The following PIWIL4 variants were observed in gnomAD, a reference collection of about 807,000 sequenced individuals.
The protein encoded by PIWIL4 is piwi-like protein 4.
PIWIL4 carries 50 observed loss-of-function variants against 100.9 expected under a neutral mutation model. The observed-to-expected ratio is 0.50, with a 90% confidence interval of 0.39 to 0.63. PIWIL4 has a LOEUF of 0.63. PIWIL4 is among the 20% of genes least tolerant of loss of function. PIWIL4 has a pLI of 0.00. For synonymous variants in PIWIL4, 342 were observed against 367.5 expected (o/e 0.93, Z 0.79); for missense variants, 887 against 1,043.3 (o/e 0.85, Z 2.06).
chr11:94,568,778 T>G lies in PIWIL4; in HGVS notation c.136T>G (p.Phe46Val), dbSNP rs1343736602. The G allele has an allele frequency of 6.2e-7, 1 of 1,609,610 alleles. No individual in the cohort carries two copies. The highest frequency in any genetic ancestry group is 1.1e-5 in the South Asian group (1 of 90,968). The stretch of plus-strand genomic sequence containing the variant: ...CAATGAAGCATCCTCTAGCAATGGC[T>G]TCTTGGGAACAAGCAGGATCTCAAC... ...SNNEASSSNG[F>V]LGTSRISTND... Residue 46 changes from phenylalanine (F) to valine (V), a missense_variant, in exon 2 of 20, where the codon TTC becomes GTC. Phe to Val is a conservative substitution (Grantham distance 50). Transcript: ENST00000299001.
Position 94,587,119 on chromosome 11 carries a change from T to C in PIWIL4, c.786T>C (p.Asp262=), listed in dbSNP as rs957357507. Residue 262 remains aspartate (D), a synonymous_variant, in exon 7 of 20, where the codon GAT becomes GAC. Coordinates refer to ENST00000299001, the MANE Select transcript of PIWIL4 (RefSeq NM_152431.3). The stretch of plus-strand genomic sequence containing the variant: ...AAAGGAAGCTCCTGTTTAGTGCTGA[T>C]GTGAGTTACAAAGTCCTCCGGAATG... ...YFERKLLFSA[D]VSYKVLRNET... The C allele has an allele frequency of 6.2e-7, 1 of 1,614,078 alleles. No homozygotes were observed.
At chr11:94,610,725 T>C (rs1948779937) in intron 15 of PIWIL4, among the ~76,000 whole-genome samples, 2 of 152,196 alleles carry the variant, frequency 1.3e-5, no homozygotes, top group Non-Finnish European at 2.9e-5. Flanking sequence ...CATCCCCGTA[T>C]CAGATATGTG....
chr11:94,613,505 T>A (rs76644264), intron 15 of PIWIL4, among the ~76,000 whole-genome samples: 1 of 152,298 alleles, frequency 6.6e-6, no homozygotes, highest in Non-Finnish European at 1.5e-5. Flanking sequence ...TCTTTCCAGA[T>A]TCAAGAACAT....
intron 19 of PIWIL4, among the ~76,000 whole-genome samples, chr11:94,620,356 C>A (rs1173278895): frequency 6.6e-6 from 1 of 152,162 alleles, no homozygotes; most frequent in Non-Finnish European, 1.5e-5. Flanking sequence ...ATAACAATAA[C>A]TATTATAATA....
chr11:94,583,362 T>C (rs1464022484), intron 4 of PIWIL4, 86 bp from the exon 5 acceptor site: 1 of 1,461,412 alleles, frequency 6.8e-7, no homozygotes, highest in African/African-American at 1.4e-5. Context: ...TGTTAATGCA[T>C]ATTACATTGT....
At chr11:94,573,418 T>C (rs1309062379) in intron 2 of PIWIL4, among the ~76,000 whole-genome samples, 2 of 152,226 alleles carry the variant, frequency 1.3e-5, no homozygotes, top group Non-Finnish European at 2.9e-5. Context: ...TGATATTGGC[T>C]GTGGGTTTGT....
intron 6 of PIWIL4, 94 bp from the exon 7 acceptor site, chr11:94,586,956 G>T: frequency 8.3e-7 from 1 of 1,203,124 alleles, no homozygotes; most frequent in Non-Finnish European, 1.2e-6. Context: ...TTAAGATCTC[G>T]AGAATTAGAA....
At chr11:94,591,528 A>G (rs1226300661) in intron 8 of PIWIL4, among the ~76,000 whole-genome samples, 2 of 152,242 alleles carry the variant, frequency 1.3e-5, no homozygotes, top group Non-Finnish European at 2.9e-5. Context: ...TGTGCATAAA[A>G]TGTGTTCTGT....
At position 94,608,798 on chromosome 11, in the gene PIWIL4, A is replaced by G. The variant is rs896898142; in HGVS notation, c.1943+112A>G. The G allele has an allele frequency of 5.6e-6, 5 of 897,692 alleles. No homozygotes were observed. The African/African-American group carries it at 8.3e-5, about 15-fold the overall frequency. The allele number at this position is 897,692 out of a possible 1,614,324, so 55.6% of individuals were successfully genotyped here. On this transcript the variant is annotated intron_variant, in intron 15 of 19. Coordinates refer to ENST00000299001, the MANE Select transcript of PIWIL4 (RefSeq NM_152431.3). Reference sequence around the variant, plus strand: ...TTTGTATTATTCACTCATTTTAAACACCAACATTTAGGTTCATAAATTACA... The same window carrying G: ...TTTGTATTATTCACTCATTTTAAACGCCAACATTTAGGTTCATAAATTACA...
In PIWIL4 at chr11:94,621,151, T is replaced by C; in HGVS notation, c.*159T>C. 1 of 560,290 alleles carries C rather than the reference T, an allele frequency of 1.8e-6. No individual in the cohort carries two copies. Among genetic ancestry groups the C allele is most frequent in the Non-Finnish European group, 3.2e-6 (1 of 316,214 alleles). 34.7% of individuals were successfully genotyped at this position (560,290 alleles called of 1,614,324 possible). On this transcript the variant is annotated 3_prime_UTR_variant, in exon 20 of 20. Transcript: ENST00000299001. ...CAAAACAACTTAATCTGAAACAGTT[T>C]TAAAAAATGTGTGTTATTTTGTTTT...
At chr11:94,589,807 G>A (rs911016240) in intron 8 of PIWIL4, among the ~76,000 whole-genome samples, 1 of 152,086 alleles carries the variant, frequency 6.6e-6, no homozygotes, top group African/African-American at 2.4e-5. Flanking sequence ...CCTGTCTCAG[G>A]TCATCACAGG....
intron 2 of PIWIL4, among the ~76,000 whole-genome samples, chr11:94,573,638 C>G (rs1340787016): frequency 2.6e-5 from 4 of 152,124 alleles, no homozygotes; most frequent in Non-Finnish European, 5.9e-5. Context: ...AGGAATGAAG[C>G]CAACTTGATC....
At chr11:94,600,514 A>G (rs1474302833) in intron 11 of PIWIL4, among the ~76,000 whole-genome samples, 2 of 152,232 alleles carry the variant, frequency 1.3e-5, no homozygotes, top group Non-Finnish European at 2.9e-5. Context: ...CACGTACTTT[A>G]CAAGGTAATA....
chr11:94,607,490 A>C lies in PIWIL4; in HGVS notation c.1690A>C (p.Lys564Gln), dbSNP rs1460989290. 1.2e-6 allele frequency: 2 copies of C among 1,613,926 alleles called. No homozygotes were observed. Among genetic ancestry groups the C allele is most frequent in the Admixed American group, 1.7e-5 (1 of 59,996 alleles). The change falls in exon 14 of 20, where the codon AAA becomes CAA. Residue 564 changes from lysine to glutamine, a missense_variant. Physicochemically the swap from Lys to Gln is moderately conservative, Grantham distance 53. Coordinates refer to ENST00000299001, the MANE Select transcript of PIWIL4 (RefSeq NM_152431.3). The stretch of plus-strand genomic sequence containing the variant: ...GAAGACCTATTATGATTCCATTAAA[A>C]AATATTTGAGCTCAGACTGCCCAGT... ...NQKTYYDSIK[K>Q]YLSSDCPVPS... is the part of the protein sequence containing the mutation.
chr11:94,590,125 T>C (rs566341031), intron 8 of PIWIL4, among the ~76,000 whole-genome samples: 1 of 152,318 alleles, frequency 6.6e-6, no homozygotes, highest in Non-Finnish European at 1.5e-5. Context: ...GAAAAGCTCT[T>C]TTTCTCCTTA....
intron 2 of PIWIL4, among the ~76,000 whole-genome samples, chr11:94,571,812 G>T (rs529478952): frequency 4.6e-5 from 7 of 152,150 alleles, no homozygotes; most frequent in Non-Finnish European, 8.8e-5. Context: ...GTAATGGGAT[G>T]GCTGGGTCAA....
At chr11:94,589,316 G>T (rs911174964) in intron 8 of PIWIL4, 84 bp downstream of exon 8, 50 of 1,185,136 alleles carry the variant, frequency 4.2e-5, no homozygotes, top group Non-Finnish European at 5.6e-5. Flanking sequence ...AGGTCCCCCA[G>T]ATTGGAGGCT....
intron 8 of PIWIL4, among the ~76,000 whole-genome samples, chr11:94,590,503 T>C (rs1433469086): frequency 1.3e-5 from 2 of 152,224 alleles, no homozygotes; most frequent in Admixed American, 1.3e-4. Context: ...GGCTCAAATA[T>C]AGTGCTTTTG....
At chr11:94,607,391 A>G (rs1276307289) in intron 13 of PIWIL4, 48 bp from the exon 14 acceptor site, 1 of 1,514,616 alleles carries the variant, frequency 6.6e-7, no homozygotes, top group African/African-American at 1.4e-5. Context: ...GCAACTTCTT[A>G]GCAGAAGTAA....
Sources: gnomAD v4.1 joint callset for allele counts (sites outside exome capture counted in the v4.1 genomes callset) on GRCh38, gnomAD v4.1.1 for gene constraint, MANE v1.5 for transcripts, NCBI Gene and HGNC (gene_info 2026-07-23, HGNC 2026-07-21) for gene names.